SYT16: variants seen among roughly 807,000 people sequenced by gnomAD.
SYT16 encodes synaptotagmin 16.
Under a neutral mutation model 61.4 loss-of-function variants are expected in SYT16, and 42 were observed. That is an observed-to-expected ratio of 0.68 (90% CI 0.53 to 0.89). SYT16 has a LOEUF of 0.89. SYT16 is among the 40% of genes least tolerant of loss of function. The pLI, the probability that SYT16 is intolerant of heterozygous loss-of-function variation, is 0.00. For missense variants in SYT16, 804 were observed against 807.3 expected, an observed-to-expected ratio of 1.00 and a Z score of 0.05; for synonymous variants, 314 against 302.3, an observed-to-expected ratio of 1.04 and a Z score of -0.40.
At chr14:61,853,245 G>C (rs1318245987) in intron 1 of SYT16, among the ~76,000 whole-genome samples, 3 of 152,210 alleles carry the variant, frequency 2.0e-5, no homozygotes, top group African/African-American at 7.2e-5. Context: ...GTCCCAAACA[G>C]ACAGAGCTTT....
intron 3 of SYT16, among the ~76,000 whole-genome samples, chr14:61,998,676 C>T (rs539097800): frequency 6.6e-6 from 1 of 151,902 alleles, no homozygotes; most frequent in Non-Finnish European, 1.5e-5. Flanking sequence ...ACTGATTACA[C>T]TGGATAGGGC....
At chr14:61,911,998 T>C (rs551212287) in intron 1 of SYT16, among the ~76,000 whole-genome samples, 3 of 152,230 alleles carry the variant, frequency 2.0e-5, no homozygotes, top group Non-Finnish European at 4.4e-5. Flanking sequence ...GGGAAGGCAT[T>C]TGGTATGTAC....
intron 3 of SYT16, among the ~76,000 whole-genome samples, chr14:62,067,449 C>G (rs1402885194): frequency 1.3e-5 from 2 of 152,018 alleles, no homozygotes; most frequent in Admixed American, 6.6e-5. Flanking sequence ...GAAGGAACAA[C>G]AAAGTCAAAG....
intron 1 of SYT16, among the ~76,000 whole-genome samples, chr14:61,919,496 C>T (rs2049247525): frequency 6.6e-6 from 1 of 152,214 alleles, no homozygotes; most frequent in Admixed American, 6.5e-5. Context: ...AATCAGTTTT[C>T]TTGCCATTTC....
chr14:62,047,954 C>T (rs2055073290), intron 3 of SYT16, among the ~76,000 whole-genome samples: 2 of 152,184 alleles, frequency 1.3e-5, no homozygotes, highest in South Asian at 4.1e-4. Context: ...TGTTGTGTCT[C>T]TGCCAGGCTT....
rs956095126 is a variant in SYT16 at position 62,112,096 on chromosome 14, T to C, written c.*11389T>C. On this transcript the variant is annotated 3_prime_UTR_variant, in exon 8 of 8. Coordinates refer to ENST00000683842, the MANE Select transcript of SYT16 (RefSeq NM_001367656.1). ...TCTTTAAGATTTCATAATGATGGTTTTAATGTATTACTATCTTACTATTAT... is the reference window on the plus strand; with the variant it reads ...TCTTTAAGATTTCATAATGATGGTTCTAATGTATTACTATCTTACTATTAT... 2 of 152,150 alleles carry C rather than the reference T, an allele frequency of 1.3e-5. No homozygotes were observed. The highest frequency in any genetic ancestry group is 6.5e-5 in the Admixed American group (1 of 15,270). 9.4% of individuals were successfully genotyped at this position (152,150 alleles called of 1,614,324 possible).
At chr14:62,038,907 T>C (rs564576753) in intron 3 of SYT16, among the ~76,000 whole-genome samples, 109 of 152,332 alleles carry the variant, frequency 7.2e-4, no homozygotes, top group South Asian at 5.6e-3. Flanking sequence ...TAATAAACGT[T>C]GCGTAGAGTT....
At chr14:61,929,816 T>A (rs1382402195) in intron 1 of SYT16, among the ~76,000 whole-genome samples, 1 of 152,196 alleles carries the variant, frequency 6.6e-6, no homozygotes. Context: ...TAAATATGGT[T>A]TTAAATGTTG....
rs1228820989 is a variant in SYT16, at chr14:61,865,131, C to G, written c.-325+52321C>G. The G allele has an allele frequency of 2.3e-6, 3 of 1,287,952 alleles. No homozygotes were observed. In the Admixed American group the frequency reaches 5.1e-5, roughly 22 times the overall value. The allele number at this position is 1,287,952 out of a possible 1,614,324, so 79.8% of individuals were successfully genotyped here. A position where few individuals can be genotyped will look rare whatever the true frequency, so the allele number is the denominator to read the frequency against. Reference sequence around the variant, plus strand: ...GACTATGAAGCCTTCTGTGGCTCCTCAGCCACCGATAAATGCCGCTCCCTG... The same window carrying G: ...GACTATGAAGCCTTCTGTGGCTCCTGAGCCACCGATAAATGCCGCTCCCTG... On this transcript the variant is annotated intron_variant, in intron 1 of 7. Transcript: ENST00000683842.
chr14:62,074,124 TGG>T (rs1159165237), intron 4 of SYT16, among the ~76,000 whole-genome samples: 1 of 152,130 alleles, frequency 6.6e-6, no homozygotes. Context: ...TCTTTGGGTG[TGG>T]GAGGCAAATA....
At chr14:61,877,059 T>C (rs972781161) in intron 1 of SYT16, among the ~76,000 whole-genome samples, 2 of 152,300 alleles carry the variant, frequency 1.3e-5, no homozygotes, top group South Asian at 4.1e-4. Flanking sequence ...CAGCAAATTC[T>C]CTGTTGTTCC....
intron 3 of SYT16, among the ~76,000 whole-genome samples, chr14:62,040,517 T>G (rs1041543128): frequency 6.6e-6 from 1 of 152,200 alleles, no homozygotes; most frequent in Non-Finnish European, 1.5e-5. Flanking sequence ...ATTTTTTGTT[T>G]TGCAGGTCTG....
chr14:61,985,710 C>T (rs1211628377), intron 2 of SYT16, among the ~76,000 whole-genome samples: 1 of 152,204 alleles, frequency 6.6e-6, no homozygotes, highest in East Asian at 1.9e-4. Flanking sequence ...AAAACTATCC[C>T]TAGATTTTTT....
chr14:61,845,037 G>T lies in SYT16; in HGVS notation c.-325+32227G>T, dbSNP rs1289461532. On this transcript the variant is annotated intron_variant, in intron 1 of 7. Coordinates refer to ENST00000683842, the MANE Select transcript of SYT16 (RefSeq NM_001367656.1). The stretch of plus-strand genomic sequence containing the variant: ...AGTTGCAAGCTTTTCTTTACTAGAA[G>T]ACTTTTTTTTTTTTTTTTTTTTTTT... Among the ~76,000 whole-genome samples the T allele has an allele frequency of 4.6e-5, 6 of 129,748 alleles. No individual in the cohort carries two copies. The East Asian group carries it at 1.1e-3, about 24-fold the overall frequency. The allele number at this position is 129,748 out of a possible 152,430, so 85.1% of individuals were successfully genotyped here. A position where few individuals can be genotyped will look rare whatever the true frequency, so the allele number is the denominator to read the frequency against.
At chr14:61,901,113 TCTAA>T (rs1425695938) in intron 1 of SYT16, among the ~76,000 whole-genome samples, 1 of 152,230 alleles carries the variant, frequency 6.6e-6, no homozygotes, top group Non-Finnish European at 1.5e-5. Context: ...TTCCTCAGTG[TCTAA>T]CTAATCTAGC....
chr14:61,890,224 T>A (rs2048070800), intron 1 of SYT16, among the ~76,000 whole-genome samples: 2 of 152,026 alleles, frequency 1.3e-5, no homozygotes, highest in Admixed American at 1.3e-4. Context: ...TGTGGGTAGT[T>A]TGGGTTGGTT....
intron 1 of SYT16, among the ~76,000 whole-genome samples, chr14:61,844,982 G>C (rs965121072): frequency 6.9e-6 from 1 of 144,602 alleles, no homozygotes; most frequent in African/African-American, 2.6e-5. Flanking sequence ...TCCTTTAAAT[G>C]TTTGGTAGAA....
rs373188768 is a variant in SYT16, at chr14:61,997,908, A to G, written c.523+1366A>G. Among the ~76,000 whole-genome samples, 18 of 152,146 alleles carry G rather than the reference A, an allele frequency of 1.2e-4. No individual in the cohort carries two copies. The East Asian group carries it at 1.9e-3, about 16-fold the overall frequency. ...CTGGCCTTTCCAGAGATGCTTATTCACTAGATTGGAGCCTCCAGGAAGTCA... is the reference window on the plus strand; with the variant it reads ...CTGGCCTTTCCAGAGATGCTTATTCGCTAGATTGGAGCCTCCAGGAAGTCA... On this transcript the variant is annotated intron_variant, in intron 3 of 7. Transcript: ENST00000683842.
intron 1 of SYT16, among the ~76,000 whole-genome samples, chr14:61,915,997 G>A (rs1037322162): frequency 6.6e-6 from 1 of 152,164 alleles, no homozygotes; most frequent in Admixed American, 6.6e-5. Context: ...CCTTGATACA[G>A]TGTTTTCTGT....
Sources: allele counts gnomAD v4.1 joint callset (sites outside exome capture counted in the v4.1 genomes callset), GRCh38; gene constraint gnomAD v4.1.1; transcripts MANE v1.5; gene names NCBI Gene and HGNC (gene_info 2026-07-23, HGNC 2026-07-21).